The following AGBL1 variants were observed in gnomAD, a reference collection of about 807,000 sequenced individuals.
The protein encoded by AGBL1 is AGBL carboxypeptidase 1, also known as cytosolic carboxypeptidase 4.
A neutral mutation model predicts 118.9 loss-of-function variants in AGBL1; 130 were observed. The ratio of observed to expected loss-of-function variants is 1.09; its 90% CI spans 0.95 to 1.26. AGBL1 has a LOEUF of 1.26. AGBL1 is among the 50% of genes most tolerant of loss of function. The pLI, the probability that AGBL1 is intolerant of heterozygous loss-of-function variation, is 0.00. For synonymous variants in AGBL1, 555 were observed against 478.9 expected (o/e 1.16, Z -2.08); for missense variants, 1,584 against 1,298.1 (o/e 1.22, Z -3.38).
chr15:86,357,326 A>T (rs535019046), intron 17 of AGBL1, among the ~76,000 whole-genome samples: 33 of 152,306 alleles, frequency 2.2e-4, no homozygotes, highest in African/African-American at 7.5e-4. Context: ...ATGTCTTCTG[A>T]GGTAATTAAG....
Position 86,759,198 on chromosome 15 carries a change from T to A in AGBL1, c.3158+84762T>A, listed in dbSNP as rs546322104. ...GATCCAAAATAATATGGGATTAATT[T>A]ATGCTTTTTAAAGACAGTTGGCCAG... On this transcript the variant is annotated intron_variant, in intron 22 of 22. Transcript: ENST00000614907. Among the ~76,000 whole-genome samples the A allele has an allele frequency of 9.2e-5, 14 of 152,182 alleles. 1 individual carries two copies. The highest frequency in any genetic ancestry group is 9.2e-4 in the Admixed American group (14 of 15,270).
intron 1 of AGBL1, chr15:86,080,251 C>T (rs1191721686): frequency 5.4e-6 from 2 of 372,860 alleles, no homozygotes; most frequent in Admixed American, 4.6e-5. Flanking sequence ...TATTGATCCT[C>T]GTGGGATCAG....
At chr15:86,083,141 C>T (rs1895400329) in intron 1 of AGBL1, among the ~76,000 whole-genome samples, 2 of 152,160 alleles carry the variant, frequency 1.3e-5, no homozygotes, top group Admixed American at 6.5e-5. Flanking sequence ...CACTTGCCTA[C>T]ACTTTTTGTC....
At chr15:86,851,799 T>C (rs957195783) in intron 22 of AGBL1, among the ~76,000 whole-genome samples, 4 of 152,116 alleles carry the variant, frequency 2.6e-5, no homozygotes, top group African/African-American at 9.7e-5. Flanking sequence ...ACATGAAGGA[T>C]GCAGGAGATA....
At chr15:86,610,938 G>A (rs938475174) in intron 21 of AGBL1, among the ~76,000 whole-genome samples, 11 of 152,164 alleles carry the variant, frequency 7.2e-5, no homozygotes, top group African/African-American at 2.2e-4. Context: ...CCTGGGAAAT[G>A]TTAAAAGTGA....
At chr15:86,100,075 C>T (rs1896622159) in intron 1 of AGBL1, among the ~76,000 whole-genome samples, 1 of 151,458 alleles carries the variant, frequency 6.6e-6, no homozygotes, top group African/African-American at 2.4e-5. Context: ...AATGCTTTTT[C>T]AGCAGGTATT....
At chr15:86,828,619 G>A (rs368035896) in intron 22 of AGBL1, among the ~76,000 whole-genome samples, 9 of 152,016 alleles carry the variant, frequency 5.9e-5, no homozygotes, top group East Asian at 3.9e-4. Flanking sequence ...GCAAAGAAAC[G>A]AGTTTTCCTC....
chr15:86,609,628 G>A (rs541466912), intron 21 of AGBL1, among the ~76,000 whole-genome samples: 3 of 152,230 alleles, frequency 2.0e-5, no homozygotes, highest in South Asian at 2.1e-4. Context: ...CCTCATTCTC[G>A]TGAAAACTTC....
intron 22 of AGBL1, among the ~76,000 whole-genome samples, chr15:86,709,530 A>G (rs1424824869): frequency 6.6e-6 from 1 of 152,176 alleles, no homozygotes; most frequent in East Asian, 1.9e-4. Context: ...TCTGTATTTC[A>G]TGGCTAATTC....
chr15:86,189,681 C>T (rs2077687675), intron 5 of AGBL1, among the ~76,000 whole-genome samples: 1 of 152,182 alleles, frequency 6.6e-6, no homozygotes, highest in Non-Finnish European at 1.5e-5. Context: ...CTCCCCTTCA[C>T]CTCTGCCATG....
intron 18 of AGBL1, among the ~76,000 whole-genome samples, chr15:86,458,254 A>G (rs2082284893): frequency 6.6e-6 from 1 of 152,156 alleles, no homozygotes; most frequent in Admixed American, 6.6e-5. Flanking sequence ...GAAGTAGACT[A>G]CAAAATAAAA....
chr15:86,128,959 A>T (rs1044083852), intron 1 of AGBL1, among the ~76,000 whole-genome samples: 9 of 152,198 alleles, frequency 5.9e-5, no homozygotes, highest in African/African-American at 1.9e-4. Flanking sequence ...CAATTATATT[A>T]ACACAGTGCT....
At chr15:86,783,486 T>C (rs2078363137) in intron 22 of AGBL1, among the ~76,000 whole-genome samples, 1 of 152,252 alleles carries the variant, frequency 6.6e-6, no homozygotes, top group Non-Finnish European at 1.5e-5. Context: ...GTGTGGTCTA[T>C]GTGTCCAAGA....
chr15:86,204,121 G>A (rs1457315043), intron 5 of AGBL1, among the ~76,000 whole-genome samples: 1 of 152,094 alleles, frequency 6.6e-6, no homozygotes, highest in Non-Finnish European at 1.5e-5. Flanking sequence ...TGTACCTGTG[G>A]CTCTGGAAGC....
chr15:86,740,127 C>T (rs940885335), intron 22 of AGBL1, among the ~76,000 whole-genome samples: 1 of 152,088 alleles, frequency 6.6e-6, no homozygotes, highest in African/African-American at 2.4e-5. Context: ...AGAATAGAAG[C>T]CCAGCAAGTA....
At chr15:86,904,581 T>C (rs116860473) in intron 22 of AGBL1, among the ~76,000 whole-genome samples, 37,566 of 148,124 alleles carry the variant, frequency 0.25, 5,518 homozygotes, top group Middle Eastern at 0.37. Context: ...TATCATATCA[T>C]ATATAATAAG....
chr15:86,764,612 G>A (rs900728374), intron 22 of AGBL1, among the ~76,000 whole-genome samples: 1 of 151,970 alleles, frequency 6.6e-6, no homozygotes, highest in Non-Finnish European at 1.5e-5. Flanking sequence ...TATAATAAAG[G>A]CGTTGTTTAT....
chr15:86,438,957 G>GGTCTGATA (rs1183746927), intron 18 of AGBL1, among the ~76,000 whole-genome samples: 1 of 152,028 alleles, frequency 6.6e-6, no homozygotes, highest in African/African-American at 2.4e-5. Flanking sequence ...CACTGTGCAT[G>GGTCTGATA]GTCTGATAGT....
intron 21 of AGBL1, among the ~76,000 whole-genome samples, chr15:86,667,008 A>T (rs1336920633): frequency 6.6e-6 from 1 of 152,160 alleles, no homozygotes; most frequent in African/African-American, 2.4e-5. Context: ...ACATAGATGC[A>T]TCCATCTAGA....
Sources: gnomAD v4.1 joint callset for allele counts (sites outside exome capture counted in the v4.1 genomes callset) on GRCh38, gnomAD v4.1.1 for gene constraint, MANE v1.5 for transcripts, NCBI Gene and HGNC (gene_info 2026-07-23, HGNC 2026-07-21) for gene names.